PRKD1: variants seen among roughly 807,000 people sequenced by gnomAD.
The protein encoded by PRKD1 is protein kinase D1.
Under a neutral mutation model 95.9 loss-of-function variants are expected in PRKD1, and 63 were observed. The observed-to-expected ratio is 0.66, with a 90% CI of 0.54 to 0.81. PRKD1 has a LOEUF of 0.81. PRKD1 is among the 30% of genes least tolerant of loss of function. PRKD1 has a pLI of 0.00. For missense variants in PRKD1, 1,048 were observed against 1,165.3 expected (o/e 0.90, Z 1.47); for synonymous variants, 425 against 423.1 (o/e 1.00, Z -0.05).
intron 13 of PRKD1, among the ~76,000 whole-genome samples, chr14:29,622,990 G>A (rs10149451): frequency 0.02 from 3,118 of 152,284 alleles, 94 homozygotes; most frequent in African/African-American, 0.07. Flanking sequence ...GGAAGTGCAA[G>A]GGCCAGGTTA....
intron 1 of PRKD1, among the ~76,000 whole-genome samples, chr14:29,859,832 G>A (rs533692192): frequency 6.6e-4 from 100 of 152,198 alleles, no homozygotes; most frequent in Middle Eastern, 3.4e-3. Flanking sequence ...TCTTCAGTTG[G>A]AGACAATACT....
intron 1 of PRKD1, among the ~76,000 whole-genome samples, chr14:29,912,789 TAC>T (rs1261559686): frequency 6.6e-6 from 1 of 152,248 alleles, no homozygotes; most frequent in Non-Finnish European, 1.5e-5. Context: ...GAAACTATGA[TAC>T]ACAGTGTCAC....
At chr14:29,804,423 C>T (rs1054832456) in intron 1 of PRKD1, among the ~76,000 whole-genome samples, 1 of 152,214 alleles carries the variant, frequency 6.6e-6, no homozygotes, top group Middle Eastern at 3.4e-3. Context: ...TTTCTTAATG[C>T]TGTCTAACCC....
At position 29,577,297 on chromosome 14, in the gene PRKD1, T is replaced by C; in HGVS notation, c.2680A>G (p.Thr894Ala). Residue 894 changes from threonine to alanine, a missense_variant, in exon 18 of 18, where the codon ACT becomes GCT. Thr to Ala is a moderately conservative substitution (Grantham distance 58). This residue lies in a region of PRKD1 where 739 missense variants were observed against 861.9 expected (regional missense o/e 0.86). Coordinates refer to ENST00000331968, the MANE Select transcript of PRKD1 (RefSeq NM_002742.3). ...LINPSASHSD[T>A]PETEETEMKA... ...ATTTCTGTTTCTTCAGTCTCAGGAG[T>C]GTCACTGTGGCTAGCACTTGGATTG... 2 of 1,613,636 alleles carry C rather than the reference T, an allele frequency of 1.2e-6. No homozygotes were observed. The highest frequency in any genetic ancestry group is 1.7e-6 in the Non-Finnish European group (2 of 1,179,788).
At chr14:29,627,456 A>T (rs564493973) in intron 11 of PRKD1, among the ~76,000 whole-genome samples, 2 of 152,342 alleles carry the variant, frequency 1.3e-5, no homozygotes, top group African/African-American at 4.8e-5. Context: ...GGAGCTAACA[A>T]GTTCCAAAAG....
chr14:29,735,319 A>G (rs1234598052), intron 1 of PRKD1, among the ~76,000 whole-genome samples: 1 of 152,228 alleles, frequency 6.6e-6, no homozygotes, highest in South Asian at 2.1e-4. Context: ...TTTGAGCTAC[A>G]CTGGGTGGAA....
chr14:29,643,821 T>C (rs781280881), intron 4 of PRKD1, among the ~76,000 whole-genome samples: 9 of 152,138 alleles, frequency 5.9e-5, no homozygotes, highest in Non-Finnish European at 1.2e-4. Flanking sequence ...CACTTGACAA[T>C]AAAAAATGGC....
intron 1 of PRKD1, among the ~76,000 whole-genome samples, chr14:29,811,625 C>A (rs79728108): frequency 0.015 from 2,294 of 152,288 alleles, 27 homozygotes; most frequent in East Asian, 0.08. Flanking sequence ...CTGCCAGGGG[C>A]TGAGGATAGC....
chr14:29,598,845 T>G (rs1893407771), intron 15 of PRKD1, among the ~76,000 whole-genome samples, 182 bp downstream of exon 15: 2 of 152,282 alleles, frequency 1.3e-5, no homozygotes, highest in Non-Finnish European at 1.5e-5. Flanking sequence ...AATTAAGGCA[T>G]GCTTCACCAA....
chr14:29,635,959 T>G (rs1396582008), intron 7 of PRKD1, among the ~76,000 whole-genome samples: 5 of 152,190 alleles, frequency 3.3e-5, no homozygotes, highest in Non-Finnish European at 7.4e-5. Flanking sequence ...GATCTTGATT[T>G]TTGTTGTTTC....
chr14:29,816,497 A>C, intron 1 of PRKD1, among the ~76,000 whole-genome samples: 1 of 152,228 alleles, frequency 6.6e-6, no homozygotes, highest in South Asian at 2.1e-4. Context: ...AAAAAACGTT[A>C]CCATAAATGT....
intron 1 of PRKD1, among the ~76,000 whole-genome samples, chr14:29,775,905 C>T (rs143344599): frequency 0.02 from 3,049 of 152,192 alleles, 94 homozygotes; most frequent in African/African-American, 0.063. Flanking sequence ...CAGTAGGGGC[C>T]GACTGACACC....
intron 2 of PRKD1, among the ~76,000 whole-genome samples, chr14:29,675,460 T>C (rs1295349015): frequency 6.6e-6 from 1 of 152,232 alleles, no homozygotes; most frequent in African/African-American, 2.4e-5. Context: ...TTATCTAATG[T>C]ATCATAGACA....
intron 13 of PRKD1, among the ~76,000 whole-genome samples, chr14:29,612,189 T>C (rs954120218): frequency 1.3e-5 from 2 of 152,180 alleles, no homozygotes; most frequent in Non-Finnish European, 2.9e-5. Flanking sequence ...CTTACATCTG[T>C]ATAAGGTTCT....
intron 1 of PRKD1, among the ~76,000 whole-genome samples, chr14:29,886,814 T>C (rs1355713323): frequency 3.3e-5 from 5 of 152,238 alleles, no homozygotes; most frequent in African/African-American, 4.8e-5. Context: ...TGAACAATTA[T>C]TTTGTTAATT....
intron 1 of PRKD1, among the ~76,000 whole-genome samples, chr14:29,743,471 CA>C (rs1384261225): frequency 6.6e-6 from 1 of 151,132 alleles, no homozygotes; most frequent in Non-Finnish European, 1.5e-5. Context: ...AGCAGAGAAC[CA>C]AAAAAAATTT....
At chr14:29,650,987 A>G (rs1013808026) in intron 4 of PRKD1, among the ~76,000 whole-genome samples, 5 of 152,192 alleles carry the variant, frequency 3.3e-5, no homozygotes, top group African/African-American at 1.2e-4. Flanking sequence ...TTTCTATTTC[A>G]TAAGGACAAT....
intron 1 of PRKD1, among the ~76,000 whole-genome samples, chr14:29,859,365 T>C (rs1359538261): frequency 1.3e-5 from 2 of 151,810 alleles, no homozygotes; most frequent in African/African-American, 2.4e-5. Context: ...TCCCAGCACT[T>C]TGGGAGGCTG....
At chr14:29,733,666 ATC>A (rs1886568331) in intron 1 of PRKD1, among the ~76,000 whole-genome samples, 1 of 152,042 alleles carries the variant, frequency 6.6e-6, no homozygotes, top group Admixed American at 6.6e-5. Context: ...AAATCATTAG[ATC>A]TCATAAGAAC....
Sources: gnomAD v4.1 joint callset for allele counts (sites outside exome capture counted in the v4.1 genomes callset) on GRCh38, gnomAD v4.1.1 for gene constraint, gnomAD v4.1.1 regional missense constraint, MANE v1.5 for transcripts, NCBI Gene and HGNC (gene_info 2026-07-23, HGNC 2026-07-21) for gene names.